C6orf52: variants seen among roughly 807,000 people sequenced by gnomAD.
C6orf52 encodes the protein chromosome 6 open reading frame 52.
In C6orf52, 16 loss-of-function variants were observed where a neutral mutation model predicts 16.6. The observed-to-expected ratio is 0.96, with a 90% CI of 0.65 to 1.46. C6orf52 has a LOEUF of 1.46. Among genes scored for constraint, C6orf52 ranks in the 40% most tolerant of loss-of-function variants. The probability of loss-of-function intolerance (pLI) is 0.00; values close to 1 mark genes in which losing one functional copy is unlikely to be tolerated. For missense variants in C6orf52, 166 were observed against 182.3 expected, an observed-to-expected ratio of 0.91 and a Z score of 0.52; for synonymous variants, 53 against 61.4, an observed-to-expected ratio of 0.86 and a Z score of 0.64.
rs1420855559 is a variant in C6orf52 at position 10,673,970 on chromosome 6, G to A, written c.317-2372C>T. ...AATATCTTGGATATTGCCTTAGTTT[G>A]GGCTGCTAACAACATATCAGAAACT... On this transcript the variant is annotated intron_variant, in intron 4 of 4. Transcript: ENST00000259983. Among the ~76,000 whole-genome samples, 3 of 152,138 alleles carry A rather than the reference G, an allele frequency of 2.0e-5. No individual in the cohort carries two copies. The South Asian group carries it at 6.2e-4, about 32-fold the overall frequency.
At chr6:10,684,730 G>A in intron 3 of C6orf52, 2 of 524,450 alleles carry the variant, frequency 3.8e-6, no homozygotes, top group Non-Finnish European at 6.7e-6. Context: ...GTTATGGACA[G>A]AGGCACAGCA....
At position 10,671,585 on chromosome 6, in the gene C6orf52, A is replaced by G. The variant is rs778455811; in HGVS notation, c.330T>C (p.His110=). Residue 110 remains histidine (H), a synonymous_variant, in exon 5 of 5, where the codon CAT becomes CAC. Transcript: ENST00000259983. ...DEDPLEDPHL[H]LNIEESNQEF... ...CTTGGTTTGATTCCTCAATATTCAA[A>G]TGAAGATGTGGATCTGCAGAAGCCA... 6.5e-7 allele frequency: 1 copy of G among 1,543,916 alleles called. No individual in the cohort carries two copies. The highest frequency in any genetic ancestry group is 1.2e-5 in the South Asian group (1 of 82,444).
At chr6:10,694,382 G>A (rs1292586097) in intron 1 of C6orf52, 112 bp downstream of exon 1, 2 of 153,256 alleles carry the variant, frequency 1.3e-5, no homozygotes, top group Non-Finnish European at 2.9e-5. Flanking sequence ...TGGGGTTCTG[G>A]CCCGGGCAGA....
chr6:10,682,562 AAG>A (rs1027493778), intron 4 of C6orf52, among the ~76,000 whole-genome samples: 3 of 151,798 alleles, frequency 2.0e-5, no homozygotes, highest in Admixed American at 6.5e-5. Context: ...GGGTTTGGGC[AAG>A]AGAGAGATTA....
intron 4 of C6orf52, among the ~76,000 whole-genome samples, chr6:10,679,296 T>TG (rs147493477): frequency 0.02 from 2,970 of 151,634 alleles, 49 homozygotes; most frequent in Non-Finnish European, 0.034. Context: ...AAAAGTTAGC[T>TG]GGGCGTAGTG....
At chr6:10,687,306 T>C in intron 2 of C6orf52, 142 bp from the exon 3 acceptor site, 1 of 782,872 alleles carries the variant, frequency 1.3e-6, no homozygotes, top group Non-Finnish European at 2.1e-6. Flanking sequence ...GACGGGTTGA[T>C]GGGTGCAGCA....
chr6:10,679,400 C>T (rs1306941101), intron 4 of C6orf52, among the ~76,000 whole-genome samples: 7 of 148,336 alleles, frequency 4.7e-5, no homozygotes, highest in South Asian at 2.1e-4. Flanking sequence ...GATCACGCCA[C>T]TTTACTCCAG....
intron 4 of C6orf52, among the ~76,000 whole-genome samples, chr6:10,678,329 CTT>C (rs1192861049): frequency 6.6e-6 from 1 of 151,982 alleles, no homozygotes; most frequent in Non-Finnish European, 1.5e-5. Context: ...TCCATCAACA[CTT>C]TATAGTGTTC....
chr6:10,673,219 A>G (rs1002388411), intron 4 of C6orf52, among the ~76,000 whole-genome samples: 1 of 152,228 alleles, frequency 6.6e-6, no homozygotes, highest in Non-Finnish European at 1.5e-5. Flanking sequence ...GTGGGGAAAG[A>G]GGAGTTAGGA....
At chr6:10,683,462 G>T (rs998559075) in intron 3 of C6orf52, among the ~76,000 whole-genome samples, 25 of 152,284 alleles carry the variant, frequency 1.6e-4, no homozygotes, top group African/African-American at 5.5e-4. Context: ...TCACAAAGAG[G>T]AACAAGCCTA....
At chr6:10,686,431 G>T (rs1046296743) in intron 3 of C6orf52, among the ~76,000 whole-genome samples, 3 of 152,220 alleles carry the variant, frequency 2.0e-5, no homozygotes, top group Middle Eastern at 3.4e-3. Context: ...GGTGTGTGTG[G>T]GGGGGAACTT....
At chr6:10,687,362 T>A in intron 2 of C6orf52, 118 bp downstream of exon 2, 1 of 864,212 alleles carries the variant, frequency 1.2e-6, no homozygotes, top group Non-Finnish European at 1.8e-6. Context: ...CTGCACGTTC[T>A]GCACATGTAC....
chr6:10,685,152 A>T (rs1768753915), intron 3 of C6orf52, among the ~76,000 whole-genome samples: 1 of 151,940 alleles, frequency 6.6e-6, no homozygotes, highest in South Asian at 2.1e-4. Context: ...AGTTGATAAT[A>T]TACTAATTCC....
chr6:10,683,044 G>A lies in C6orf52; in HGVS notation c.316+143C>T, dbSNP rs948400419. On this transcript the variant is annotated intron_variant, in intron 4 of 4. Transcript: ENST00000259983. ...CCCATAGAACCAGTTTCTAAAAACAGGAGAAATTACTGAAGCATATGGCTT... is the reference window on the plus strand; with the variant it reads ...CCCATAGAACCAGTTTCTAAAAACAAGAGAAATTACTGAAGCATATGGCTT... 5.6e-6 allele frequency: 3 copies of A among 531,840 alleles called. No individual in the cohort carries two copies. In the African/African-American group the frequency reaches 6.0e-5, roughly 11 times the overall value. 32.9% of individuals were successfully genotyped at this position (531,840 alleles called of 1,614,324 possible). A position where few individuals can be genotyped will look rare whatever the true frequency, so the allele number is the denominator to read the frequency against.
intron 4 of C6orf52, among the ~76,000 whole-genome samples, chr6:10,679,893 C>T (rs1443191485): frequency 6.6e-6 from 1 of 152,116 alleles, no homozygotes; most frequent in Non-Finnish European, 1.5e-5. Context: ...TCCTTTTATA[C>T]CTAATTTGTT....
At chr6:10,673,970 G>C (rs1420855559) in intron 4 of C6orf52, among the ~76,000 whole-genome samples, 2 of 152,020 alleles carry the variant, frequency 1.3e-5, no homozygotes, top group Non-Finnish European at 2.9e-5. Context: ...GCCTTAGTTT[G>C]GGCTGCTAAC....
chr6:10,691,293 C>CA (rs1769277906), intron 1 of C6orf52, among the ~76,000 whole-genome samples: 1 of 152,152 alleles, frequency 6.6e-6, no homozygotes, highest in South Asian at 2.1e-4. Flanking sequence ...CGGCAAGACT[C>CA]ACGTCTCCAA....
intron 2 of C6orf52, 140 bp from the exon 3 acceptor site, chr6:10,687,304 GATGGGTGCAGCAAACC>G: frequency 1.3e-6 from 1 of 782,150 alleles, no homozygotes; most frequent in Admixed American, 2.7e-5. Context: ...ATGACGGGTT[GATGGGTGCAGCAAACC>G]ACCATGGCAC....
At chr6:10,674,941 C>T (rs1325578982) in intron 4 of C6orf52, among the ~76,000 whole-genome samples, 1 of 151,894 alleles carries the variant, frequency 6.6e-6, no homozygotes, top group African/African-American at 2.4e-5. Flanking sequence ...TCCCAAGTAG[C>T]TGGGATTACA....
Sources: allele counts gnomAD v4.1 joint callset (sites outside exome capture counted in the v4.1 genomes callset), GRCh38; gene constraint gnomAD v4.1.1; transcripts MANE v1.5; gene names NCBI Gene and HGNC (gene_info 2026-07-23, HGNC 2026-07-21).